The following RIMS2 variants were observed in gnomAD, a reference collection of about 807,000 sequenced individuals.
The protein encoded by RIMS2 is regulating synaptic membrane exocytosis 2, also known as regulating synaptic membrane exocytosis protein 2.
A neutral mutation model predicts 174.4 loss-of-function variants in RIMS2; 59 were observed. The ratio of observed to expected loss-of-function variants is 0.34; its 90% CI spans 0.27 to 0.42. RIMS2 has a LOEUF of 0.42. Among genes scored for constraint, RIMS2 ranks in the 10% least tolerant of loss-of-function variants. The pLI is 1.00. For synonymous variants in RIMS2, 606 were observed against 572.5 expected, an observed-to-expected ratio of 1.06 and a Z score of -0.84; for missense variants, 1,620 against 1,666.3, an observed-to-expected ratio of 0.97 and a Z score of 0.48.
chr8:103,884,470 G>T (rs868804759), intron 3 of RIMS2, among the ~76,000 whole-genome samples: 78 of 151,922 alleles, frequency 5.1e-4, no homozygotes, highest in African/African-American at 1.7e-3. Context: ...AGGGTATCAT[G>T]TCTTATTGCA....
chr8:104,083,475 G>A lies in RIMS2; in HGVS notation c.3334+68860G>A, dbSNP rs889439519. 3.6e-4 allele frequency among the ~76,000 whole-genome samples: 54 copies of A among 152,094 alleles called. 1 individual carries two copies. The highest frequency in any genetic ancestry group is 5.9e-5 in the Non-Finnish European group (4 of 68,000). ...CTATACCCTATATCCCAATCAATTAGATAAATATTCTTTAAACATTCATAA... is the reference window on the plus strand; with the variant it reads ...CTATACCCTATATCCCAATCAATTAAATAAATATTCTTTAAACATTCATAA... On this transcript the variant is annotated intron_variant, in intron 19 of 23. Coordinates refer to ENST00000504942, the Ensembl canonical transcript of RIMS2.
chr8:103,523,406 CTG>C (rs796706323), intron 1 of RIMS2, among the ~76,000 whole-genome samples: 4 of 149,348 alleles, frequency 2.7e-5, no homozygotes, highest in Non-Finnish European at 4.5e-5. Context: ...TTGTGTGTGT[CTG>C]TGTGTGTGTG....
chr8:103,759,652 G>C (rs1310816376), intron 2 of RIMS2, among the ~76,000 whole-genome samples: 1 of 151,656 alleles, frequency 6.6e-6, no homozygotes, highest in Non-Finnish European at 1.5e-5. Flanking sequence ...CTTTGTTCTA[G>C]TGTGGCATGA....
At chr8:103,740,767 T>C (rs2097754328) in intron 2 of RIMS2, among the ~76,000 whole-genome samples, 1 of 152,154 alleles carries the variant, frequency 6.6e-6, no homozygotes, top group Non-Finnish European at 1.5e-5. Flanking sequence ...TCTTTAAAAA[T>C]GTATCCAGTG....
At chr8:104,102,478 C>T (rs1355813559) in intron 19 of RIMS2, among the ~76,000 whole-genome samples, 1 of 152,264 alleles carries the variant, frequency 6.6e-6, no homozygotes, top group South Asian at 2.1e-4. Context: ...GATATTATCT[C>T]TCATGGAGAT....
chr8:103,717,692 A>T (rs1411101190), intron 2 of RIMS2, among the ~76,000 whole-genome samples: 1 of 152,218 alleles, frequency 6.6e-6, no homozygotes, highest in African/African-American at 2.4e-5. Flanking sequence ...AACAGTCTAT[A>T]TTTCAAACTA....
chr8:103,999,258 A>G (rs893497141), intron 17 of RIMS2, among the ~76,000 whole-genome samples: 19 of 151,784 alleles, frequency 1.3e-4, no homozygotes, highest in African/African-American at 4.6e-4. Flanking sequence ...TAAGTATTTT[A>G]TTTATGTGGG....
At chr8:103,959,984 G>A (rs900836782) in intron 14 of RIMS2, among the ~76,000 whole-genome samples, 2 of 151,994 alleles carry the variant, frequency 1.3e-5, no homozygotes, top group African/African-American at 4.8e-5. Flanking sequence ...GCTAGCAGAA[G>A]GCAAGAAATA....
At chr8:104,013,979 AT>A (rs941004529) in intron 18 of RIMS2, among the ~76,000 whole-genome samples, 1 of 152,152 alleles carries the variant, frequency 6.6e-6, no homozygotes, top group Non-Finnish European at 1.5e-5. Context: ...ATAAAACTAG[AT>A]TTTTTAAGTT....
intron 20 of RIMS2, 115 bp from the exon 27 acceptor site, chr8:104,248,586 A>G (rs2099347530): frequency 1.5e-6 from 1 of 662,752 alleles, no homozygotes; most frequent in African/African-American, 1.8e-5. Context: ...AGTAAATATA[A>G]GTGACAAAAT....
At chr8:104,002,994 T>G (rs763137296) in intron 17 of RIMS2, among the ~76,000 whole-genome samples, 1 of 152,218 alleles carries the variant, frequency 6.6e-6, no homozygotes, top group Non-Finnish European at 1.5e-5. Flanking sequence ...CAAACATGTT[T>G]AGGATGGATA....
intron 20 of RIMS2, among the ~76,000 whole-genome samples, chr8:104,248,327 A>G (rs1009187390): frequency 6.6e-6 from 1 of 152,200 alleles, no homozygotes. Flanking sequence ...TGTATGAAAT[A>G]GGAGAAATAA....
At chr8:104,014,668 T>A (rs907935103) in intron 19 of RIMS2, 53 bp downstream of exon 21, 1 of 1,084,800 alleles carries the variant, frequency 9.2e-7, no homozygotes, top group African/African-American at 1.5e-5. Flanking sequence ...GAAGCTAAGG[T>A]GAATCAAGAT....
intron 19 of RIMS2, among the ~76,000 whole-genome samples, chr8:104,075,514 A>T (rs1481307965): frequency 3.3e-5 from 5 of 152,246 alleles, no homozygotes; most frequent in African/African-American, 1.2e-4. Flanking sequence ...ACTCGAGCCA[A>T]GTCAAGTAAT....
intron 19 of RIMS2, among the ~76,000 whole-genome samples, chr8:104,232,712 A>T (rs1295291172): frequency 1.3e-5 from 2 of 152,200 alleles, no homozygotes; most frequent in South Asian, 4.1e-4. Context: ...CACTACCCTC[A>T]TTGGAATGAA....
chr8:103,763,180 G>C (rs1025476365), intron 2 of RIMS2, among the ~76,000 whole-genome samples: 2 of 152,290 alleles, frequency 1.3e-5, no homozygotes, highest in African/African-American at 4.8e-5. Flanking sequence ...GCTCACATCT[G>C]TAATCCTAGC....
chr8:104,002,097 A>G (rs754497109), intron 17 of RIMS2, among the ~76,000 whole-genome samples: 8 of 152,086 alleles, frequency 5.3e-5, no homozygotes, highest in Non-Finnish European at 8.8e-5. Context: ...TCATGACCAT[A>G]CTTTACATTT....
chr8:104,036,990 T>A (rs1323849081), intron 19 of RIMS2, among the ~76,000 whole-genome samples: 2 of 152,218 alleles, frequency 1.3e-5, no homozygotes, highest in African/African-American at 4.8e-5. Flanking sequence ...ATTTAATAGG[T>A]TGAAATTATT....
intron 15 of RIMS2, among the ~76,000 whole-genome samples, chr8:103,966,450 C>T (rs560532945): frequency 2.0e-5 from 3 of 152,064 alleles, no homozygotes; most frequent in East Asian, 3.9e-4. Flanking sequence ...TTTTAATGTC[C>T]GTGGGATCTG....
Sources: allele counts gnomAD v4.1 joint callset (sites outside exome capture counted in the v4.1 genomes callset), GRCh38; gene constraint gnomAD v4.1.1; transcripts MANE v1.5; gene names NCBI Gene and HGNC (gene_info 2026-07-23, HGNC 2026-07-21).